LOXL1: variants seen among roughly 807,000 people sequenced by gnomAD.
The protein encoded by LOXL1 is lysyl oxidase homolog 1.
A neutral mutation model predicts 62.2 loss-of-function variants in LOXL1; 31 were observed. That is an observed-to-expected ratio of 0.50 (90% CI 0.37 to 0.67). The LOEUF is 0.67. LOXL1 is among the 30% of genes least tolerant of loss of function. The probability of loss-of-function intolerance (pLI) is 0.00; values close to 1 mark genes in which losing one functional copy is unlikely to be tolerated. For synonymous variants in LOXL1, 403 were observed against 384.4 expected (o/e 1.05, Z -0.56); for missense variants, 775 against 843.4 (o/e 0.92, Z 1.00).
chr15:73,944,916 C>T (rs548582464), intron 2 of LOXL1, among the ~76,000 whole-genome samples: 105 of 152,290 alleles, frequency 6.9e-4, no homozygotes, highest in African/African-American at 2.3e-3. Context: ...TCAAAGAGAG[C>T]GCTAATCCCT....
At chr15:73,943,540 A>G (rs1595847795) in intron 2 of LOXL1, among the ~76,000 whole-genome samples, 1 of 152,222 alleles carries the variant, frequency 6.6e-6, no homozygotes, top group African/African-American at 2.4e-5. Context: ...TGCACTGGAA[A>G]GAGGGGAAGG....
intron 1 of LOXL1, among the ~76,000 whole-genome samples, chr15:73,940,693 G>A (rs555372602): frequency 1.3e-5 from 2 of 152,118 alleles, no homozygotes; most frequent in East Asian, 1.9e-4. Flanking sequence ...CAAGGTCAGC[G>A]CTTAATGTGA....
intron 2 of LOXL1, among the ~76,000 whole-genome samples, chr15:73,943,222 A>G (rs946709264): frequency 8.5e-5 from 13 of 152,204 alleles, no homozygotes; most frequent in Admixed American, 5.2e-4. Context: ...TTACTGTGGC[A>G]CTTCATCTTT....
Position 73,927,569 on chromosome 15 carries a change from G to A in LOXL1, c.786G>A (p.Pro262=). ...YPAPERPYVP[P]PPPPPDGLDR... is the part of the protein sequence containing the mutation. Reference sequence around the variant, plus strand: ...CCCCCGAGAGGCCCTACGTGCCGCCGCCGCCGCCGCCCCCCGACGGCCTGG... The same window carrying A: ...CCCCCGAGAGGCCCTACGTGCCGCCACCGCCGCCGCCCCCCGACGGCCTGG... The change falls in exon 1 of 7, where the codon CCG becomes CCA. Residue 262 remains proline, a synonymous_variant. Coordinates refer to ENST00000261921, the MANE Select transcript of LOXL1 (RefSeq NM_005576.4). 1 of 1,250,316 alleles carries A rather than the reference G, an allele frequency of 8.0e-7. No individual in the cohort carries two copies. The highest frequency in any genetic ancestry group is 1.0e-6 in the Non-Finnish European group (1 of 963,850). 77.5% of individuals were successfully genotyped at this position (1,250,316 alleles called of 1,614,324 possible).
chr15:73,942,945 G>A lies in LOXL1; in HGVS notation c.1194G>A (p.Glu398=). 1 of 1,613,790 alleles carries A rather than the reference G, an allele frequency of 6.2e-7. No homozygotes were observed. The highest frequency in any genetic ancestry group is 8.5e-7 in the Non-Finnish European group (1 of 1,179,698). ...AHLYSLRCAA[E]EKCLASTAYA... is the part of the protein sequence containing the mutation. Reference sequence around the variant, plus strand: ...TGTACTCCCTGCGCTGTGCTGCGGAGGAGAAGTGTCTGGCCAGGTAAGGAG... The same window carrying A: ...TGTACTCCCTGCGCTGTGCTGCGGAAGAGAAGTGTCTGGCCAGGTAAGGAG... The change falls in exon 2 of 7, where the codon GAG becomes GAA. Residue 398 remains glutamate, a synonymous_variant. Transcript: ENST00000261921.
intron 1 of LOXL1, among the ~76,000 whole-genome samples, chr15:73,938,818 C>T (rs1010248372): frequency 6.6e-6 from 1 of 152,150 alleles, no homozygotes; most frequent in Admixed American, 6.5e-5. Flanking sequence ...GAGATCAAGG[C>T]TGCAGTTAGC....
chr15:73,937,024 G>C (rs112800828), intron 1 of LOXL1, among the ~76,000 whole-genome samples: 6 of 152,402 alleles, frequency 3.9e-5, no homozygotes, highest in African/African-American at 1.4e-4. Context: ...GTGAGCCTCA[G>C]AAAGGGGACT....
chr15:73,943,578 G>A (rs555595894), intron 2 of LOXL1, among the ~76,000 whole-genome samples: 1 of 152,320 alleles, frequency 6.6e-6, no homozygotes, highest in South Asian at 2.1e-4. Flanking sequence ...CCTAGAAGGT[G>A]AGCACAGCTG....
Position 73,951,356 on chromosome 15 carries a change from C to G in LOXL1, c.1719-475C>G, listed in dbSNP as rs564777877. Among the ~76,000 whole-genome samples the G allele has an allele frequency of 2.6e-5, 4 of 152,206 alleles. No homozygotes were observed. The South Asian group carries it at 6.2e-4, about 24-fold the overall frequency. On this transcript the variant is annotated intron_variant, in intron 6 of 6. Coordinates refer to ENST00000261921, the MANE Select transcript of LOXL1 (RefSeq NM_005576.4). Reference sequence around the variant, plus strand: ...TCTTTACATAAGTGCTTGGAAAGGCCGGGCCTTATTAGAGTGTCTCAGTCT... The same window carrying G: ...TCTTTACATAAGTGCTTGGAAAGGCGGGGCCTTATTAGAGTGTCTCAGTCT...
chr15:73,939,404 C>T (rs1229291183), intron 1 of LOXL1, among the ~76,000 whole-genome samples: 1 of 152,170 alleles, frequency 6.6e-6, no homozygotes, highest in Non-Finnish European at 1.5e-5. Context: ...GCTGCTGCCT[C>T]TTGTGTCACC....
At chr15:73,939,402 C>T (rs983055838) in intron 1 of LOXL1, among the ~76,000 whole-genome samples, 1 of 152,212 alleles carries the variant, frequency 6.6e-6, no homozygotes, top group Non-Finnish European at 1.5e-5. Context: ...GAGCTGCTGC[C>T]TCTTGTGTCA....
chr15:73,944,019 C>T (rs958103703), intron 2 of LOXL1, among the ~76,000 whole-genome samples: 4 of 152,200 alleles, frequency 2.6e-5, no homozygotes, highest in Admixed American at 2.0e-4. Context: ...CTGAACTAAG[C>T]AGAGTGATTA....
chr15:73,926,633 C>A lies in LOXL1; in HGVS notation c.-151C>A. 1.1e-6 allele frequency: 1 copy of A among 895,076 alleles called. No individual in the cohort carries two copies. The highest frequency in any genetic ancestry group is 1.5e-6 in the Non-Finnish European group (1 of 653,478). 55.4% of individuals were successfully genotyped at this position (895,076 alleles called of 1,614,324 possible). On this transcript the variant is annotated 5_prime_UTR_variant, in exon 1 of 7. Transcript: ENST00000261921. ...CTTGAAATGCTGTCATCGGAGGAGC[C>A]GTCCCGCTCGGGACAAGGCCAGCAT...
chr15:73,947,300 C>A, intron 4 of LOXL1, 77 bp downstream of exon 4: 1 of 1,484,324 alleles, frequency 6.7e-7, no homozygotes, highest in Non-Finnish European at 9.1e-7. Context: ...CCGCTGAGGC[C>A]CGGCAAGTGC....
intron 1 of LOXL1, among the ~76,000 whole-genome samples, chr15:73,935,181 G>A (rs1437090772): frequency 6.6e-6 from 1 of 152,156 alleles, no homozygotes; most frequent in African/African-American, 2.4e-5. Context: ...GCTAAACAGG[G>A]CCCCTGACTG....
chr15:73,938,289 A>ATCTATCTG (rs1375001679), intron 1 of LOXL1, among the ~76,000 whole-genome samples: 2 of 150,438 alleles, frequency 1.3e-5, no homozygotes, highest in Non-Finnish European at 3.0e-5. Context: ...CTATCTATCT[A>ATCTATCTG]TCTATCTATC....
chr15:73,948,621 G>C (rs1417532764), intron 5 of LOXL1, among the ~76,000 whole-genome samples: 1 of 152,230 alleles, frequency 6.6e-6, no homozygotes, highest in Non-Finnish European at 1.5e-5. Flanking sequence ...GGCCTTCCCT[G>C]CAGAAAGTCA....
At chr15:73,944,418 C>G (rs928580755) in intron 2 of LOXL1, among the ~76,000 whole-genome samples, 11 of 152,174 alleles carry the variant, frequency 7.2e-5, no homozygotes, top group African/African-American at 2.4e-4. Context: ...CACCTGTACC[C>G]CAGTGACAGA....
chr15:73,928,125 G>A (rs1595842409), intron 1 of LOXL1: 1 of 395,372 alleles, frequency 2.5e-6, no homozygotes, highest in Non-Finnish European at 4.4e-6. Context: ...GCAGGTGTGG[G>A]CTCTGATCCT....
Sources: allele counts gnomAD v4.1 joint callset (sites outside exome capture counted in the v4.1 genomes callset), GRCh38; gene constraint gnomAD v4.1.1; transcripts MANE v1.5; gene names NCBI Gene and HGNC (gene_info 2026-07-23, HGNC 2026-07-21).